The following RNF112 variants were observed in gnomAD, a reference collection of about 807,000 sequenced individuals.
RNF112 encodes the protein brain finger protein.
In RNF112, 34 loss-of-function variants were observed where a neutral mutation model predicts 64.7. The ratio of observed to expected loss-of-function variants is 0.53; its 90% CI spans 0.40 to 0.70. The LOEUF is 0.70. Ranked by LOEUF, RNF112 falls within the 30% of genes least tolerant of loss-of-function variation. The probability of loss-of-function intolerance (pLI) is 0.00; values close to 1 mark genes in which losing one functional copy is unlikely to be tolerated. For synonymous variants in RNF112, 345 were observed against 344.5 expected (o/e 1.00, Z -0.02); for missense variants, 734 against 850.0 (o/e 0.86, Z 1.70).
chr17:19,414,501 T>A lies in RNF112; in HGVS notation c.929T>A (p.Ile310Asn). ...VMGKHYGMVP[I>N]QHLDLLVRDS... ...GGCAAGCATTATGGGATGGTGCCAA[T>A]CCAGGTGAGACACCTATCTCTGGAT... is the stretch of plus-strand genomic sequence containing the variant. Residue 310 changes from isoleucine (I) to asparagine (N), a missense_variant, in exon 8 of 14, where the codon ATC (isoleucine) becomes AAC (asparagine). Ile to Asn is a moderately radical substitution (Grantham distance 149). Transcript: ENST00000461366. 6.2e-7 allele frequency: 1 copy of A among 1,613,954 alleles called. No individual in the cohort carries two copies. The highest frequency in any genetic ancestry group is 8.5e-7 in the Non-Finnish European group (1 of 1,179,870).
rs1488840189 is a variant in RNF112 at position 19,416,341 on chromosome 17, G to GGA, written c.*166_*167insGA. 1 of 654,018 alleles carries GGA rather than the reference G, an allele frequency of 1.5e-6. No homozygotes were observed. The highest frequency in any genetic ancestry group is 2.5e-6 in the Non-Finnish European group (1 of 401,088). 40.5% of individuals were successfully genotyped at this position (654,018 alleles called of 1,614,324 possible). On this transcript the variant is annotated 3_prime_UTR_variant, in exon 14 of 14. Coordinates refer to ENST00000461366, the MANE Select transcript of RNF112 (RefSeq NM_007148.5). ...GGCAGCTGAGCTGGGACTCAAGGTG[G>GGA]CTCTTGGAACCTGGGAGGCAGCATC...
chr17:19,411,721 G>A, intron 2 of RNF112, 51 bp downstream of exon 2: 1 of 1,545,596 alleles, frequency 6.5e-7, no homozygotes, highest in South Asian at 1.2e-5. Flanking sequence ...GGCCAGGCAG[G>A]TCAGTTGAAA....
chr17:19,414,042 G>A, intron 6 of RNF112, 53 bp from the exon 7 acceptor site: 2 of 1,529,318 alleles, frequency 1.3e-6, no homozygotes, highest in Non-Finnish European at 1.8e-6. Flanking sequence ...CTTCCCCAGT[G>A]AAGTCACCCG....
chr17:19,415,134 G>C lies in RNF112; in HGVS notation c.1223G>C (p.Trp408Ser), dbSNP rs370176105. ...GCTAAGAGCCGCTGCCAGGGGTACT[G>C]GAACGAGGGGCGCGCCGTGGCCAGG... ...QHAKSRCQGYWNEGRAVARGD... is the reference protein window; with the variant it reads ...QHAKSRCQGYSNEGRAVARGD... Residue 408 changes from tryptophan (W) to serine (S), a missense_variant, in exon 11 of 14, where the codon TGG (tryptophan) becomes TCG (serine). Trp to Ser is a radical substitution (Grantham distance 177). Transcript: ENST00000461366. The surrounding 1 kb of genome is among the most constrained non-coding windows in gnomAD (Gnocchi z 7.8). 3 of 1,609,686 alleles carry C rather than the reference G, an allele frequency of 1.9e-6. No individual in the cohort carries two copies. Among genetic ancestry groups the C allele is most frequent in the Non-Finnish European group, 2.5e-6 (3 of 1,178,994 alleles).
rs774649722 is a variant in RNF112, at chr17:19,412,581, G to A, written c.179G>A (p.Cys60Tyr). Reference sequence around the variant, plus strand: ...CGGGAGCTCCCTACCTGCTCCATCTGCCTGGAGAGGTTGCGCGACCCCATC... The same window carrying A: ...CGGGAGCTCCCTACCTGCTCCATCTACCTGGAGAGGTTGCGCGACCCCATC... The part of the protein sequence containing the change: ...APRELPTCSI[C>Y]LERLRDPISL... The change falls in exon 3 of 14, where the codon TGC (cysteine) becomes TAC (tyrosine). Residue 60 changes from cysteine (C) to tyrosine (Y), a missense_variant. Transcript: ENST00000461366. The surrounding 1 kb of genome is among the most constrained non-coding windows in gnomAD (Gnocchi z 5.1). 1 of 1,613,402 alleles carries A rather than the reference G, an allele frequency of 6.2e-7. No homozygotes were observed. Among genetic ancestry groups the A allele is most frequent in the Non-Finnish European group, 8.5e-7 (1 of 1,179,760 alleles).
chr17:19,414,650 A>G lies in RNF112; in HGVS notation c.998A>G (p.Asn333Ser), dbSNP rs1364360472. ...PNKAGQGHVG[N>S]IFQRLSGRYP... ...AAGGCAGGGCAGGGGCATGTAGGCA[A>G]CATCTTCCAGGTGAGTGGTGCAAGG... The change falls in exon 9 of 14, where the codon AAC becomes AGC. Residue 333 changes from asparagine to serine, a missense_variant. Coordinates refer to ENST00000461366, the MANE Select transcript of RNF112 (RefSeq NM_007148.5). 6.2e-7 allele frequency: 1 copy of G among 1,612,562 alleles called. No homozygotes were observed. The highest frequency in any genetic ancestry group is 8.5e-7 in the Non-Finnish European group (1 of 1,179,832).
At position 19,417,026 on chromosome 17, in the gene RNF112, A is replaced by G. The variant is rs139743397; in HGVS notation, c.*851A>G. 1.2e-4 allele frequency: 19 copies of G among 152,198 alleles called. 1 individual carries two copies. The highest frequency in any genetic ancestry group is 4.6e-4 in the African/African-American group (19 of 41,510). The allele number at this position is 152,198 out of a possible 1,614,324, so 9.4% of individuals were successfully genotyped here. ...TCAAAATCTTGCAAAGGAAAACAAA[A>G]TGAACAACTTCTACCCTTAAACACA... is the stretch of plus-strand genomic sequence containing the variant. On this transcript the variant is annotated 3_prime_UTR_variant, in exon 14 of 14. Coordinates refer to ENST00000461366, the MANE Select transcript of RNF112 (RefSeq NM_007148.5).
intron 1 of RNF112, 54 bp downstream of exon 1, chr17:19,411,516 T>C: frequency 8.5e-7 from 1 of 1,170,094 alleles, no homozygotes. Flanking sequence ...AGGGCCCTCC[T>C]TGGGCTGGGG....
At position 19,416,246 on chromosome 17, in the gene RNF112, G is replaced by T; in HGVS notation, c.*71G>T. ...TGAAGAAGAGGGGCAGGTCGGGGGA[G>T]GGTGATGCCAGGGATTCCAAGGCAC... On this transcript the variant is annotated 3_prime_UTR_variant, in exon 14 of 14. Coordinates refer to ENST00000461366, the MANE Select transcript of RNF112 (RefSeq NM_007148.5). 1 of 1,373,426 alleles carries T rather than the reference G, an allele frequency of 7.3e-7. No homozygotes were observed. The highest frequency in any genetic ancestry group is 1.4e-5 in the South Asian group (1 of 70,840). 85.1% of individuals were successfully genotyped at this position (1,373,426 alleles called of 1,614,324 possible). A position where few individuals can be genotyped will look rare whatever the true frequency, so the allele number is the denominator to read the frequency against.
At chr17:19,414,910 C>A (rs773610783) in intron 10 of RNF112, 23 bp downstream of exon 10, 10 of 1,609,992 alleles carry the variant, frequency 6.2e-6, no homozygotes, top group Admixed American at 1.7e-5. Context: ...GAGAGCTGAA[C>A]CTCTCTTGCG....
Position 19,413,484 on chromosome 17 carries a change from T to C in RNF112, c.720+73T>C. The C allele has an allele frequency of 1.3e-6, 2 of 1,568,400 alleles. No individual in the cohort carries two copies. The highest frequency in any genetic ancestry group is 1.1e-5 in the South Asian group (1 of 88,122). On this transcript the variant is annotated intron_variant, in intron 5 of 13. Coordinates refer to ENST00000461366, the MANE Select transcript of RNF112 (RefSeq NM_007148.5). The surrounding 1 kb of genome is among the most constrained non-coding windows in gnomAD (Gnocchi z 5.9). ...AAGAAGGGCGTCTCTGGGGTGAGGA[T>C]AGAAGATGGGGATGGGACGGGGCAG...
At position 19,415,111 on chromosome 17, in the gene RNF112, T is replaced by C; in HGVS notation, c.1200T>C (p.Ala400=). ...SDVLSAAPQH[A]KSRCQGYWNE... ...TGCTGAGTGCGGCCCCCCAGCACGC[T>C]AAGAGCCGCTGCCAGGGGTACTGGA... Residue 400 remains alanine (A), a synonymous_variant, in exon 11 of 14, where the codon GCT becomes GCC. Coordinates refer to ENST00000461366, the MANE Select transcript of RNF112 (RefSeq NM_007148.5). This position sits in a 1 kb window ranked among gnomAD's most constrained non-coding sequence, Gnocchi z 7.8. The C allele has an allele frequency of 6.2e-7, 1 of 1,607,290 alleles. No homozygotes were observed. The highest frequency in any genetic ancestry group is 1.3e-5 in the African/African-American group (1 of 74,474).
At position 19,414,230 on chromosome 17, in the gene RNF112, G is replaced by A. The variant is rs1179403957; in HGVS notation, c.876+85G>A. 15 of 1,324,814 alleles carry A rather than the reference G, an allele frequency of 1.1e-5. 1 individual carries two copies. The Admixed American group carries it at 2.5e-4, about 22-fold the overall frequency. The allele number at this position is 1,324,814 out of a possible 1,614,324, so 82.1% of individuals were successfully genotyped here. A position where few individuals can be genotyped will look rare whatever the true frequency, so the allele number is the denominator to read the frequency against. On this transcript the variant is annotated intron_variant, in intron 7 of 13. Transcript: ENST00000461366. Reference sequence around the variant, plus strand: ...CCCAAAGGAACTAGGTGCCCTCCTGGTCTGGCCTAGGGTTTTATGACACTT... The same window carrying A: ...CCCAAAGGAACTAGGTGCCCTCCTGATCTGGCCTAGGGTTTTATGACACTT...
At position 19,412,556 on chromosome 17, in the gene RNF112, C is replaced by T. The variant is rs745855976; in HGVS notation, c.154C>T (p.Arg52Trp). ...CCTGGGGCCCCAGCCCATGGCGCCC[C>T]GGGAGCTCCCTACCTGCTCCATCTG... ...LGLGPQPMAP[R>W]ELPTCSICLE... Residue 52 changes from arginine to tryptophan, a missense_variant, in exon 3 of 14, where the codon CGG (arginine) becomes TGG (tryptophan). Arg to Trp is a moderately radical substitution (Grantham distance 101, BLOSUM62 -3). Coordinates refer to ENST00000461366, the MANE Select transcript of RNF112 (RefSeq NM_007148.5). The surrounding 1 kb of genome is among the most constrained non-coding windows in gnomAD (Gnocchi z 5.1). 2.2e-5 allele frequency: 36 copies of T among 1,613,332 alleles called. No homozygotes were observed. Among genetic ancestry groups the T allele is most frequent in the East Asian group, 1.1e-4 (5 of 44,864 alleles).
In RNF112 at chr17:19,414,666, T is replaced by G; in HGVS notation, c.1008+6T>G. On this transcript the variant is annotated splice_donor_region_variant and intron_variant, in intron 9 of 13. Transcript: ENST00000461366. ...ATGTAGGCAACATCTTCCAGGTGAG[T>G]GGTGCAAGGGGATGGGGTGGAGGGG... The G allele has an allele frequency of 6.2e-7, 1 of 1,610,768 alleles. No individual in the cohort carries two copies. The highest frequency in any genetic ancestry group is 2.2e-5 in the East Asian group (1 of 44,854).
chr17:19,411,798 G>A (rs1164065887), intron 2 of RNF112, 128 bp downstream of exon 2: 9 of 998,098 alleles, frequency 9.0e-6, no homozygotes, highest in East Asian at 7.8e-5. Flanking sequence ...GGCTGGATCC[G>A]CCAGGCTGTG....
Position 19,415,161 on chromosome 17 carries a change from G to A in RNF112, c.1250G>A (p.Gly417Glu). Residue 417 changes from glycine to glutamate, a missense_variant, in exon 11 of 14, where the codon GGG (glycine) becomes GAG (glutamate). Physicochemically the swap from Gly to Glu is moderately conservative, Grantham distance 98. Coordinates refer to ENST00000461366, the MANE Select transcript of RNF112 (RefSeq NM_007148.5). The surrounding 1 kb of genome is among the most constrained non-coding windows in gnomAD (Gnocchi z 7.8). ...YWNEGRAVAR[G>E]DRRLLTGQQL... ...AACGAGGGGCGCGCCGTGGCCAGGGGGGACAGACGCCTACTCACGGGGCAG... is the reference window on the plus strand; with the variant it reads ...AACGAGGGGCGCGCCGTGGCCAGGGAGGACAGACGCCTACTCACGGGGCAG... The A allele has an allele frequency of 6.2e-7, 1 of 1,608,916 alleles. No individual in the cohort carries two copies. The highest frequency in any genetic ancestry group is 8.5e-7 in the Non-Finnish European group (1 of 1,178,774).
At position 19,413,120 on chromosome 17, in the gene RNF112, T is replaced by C. The variant is rs1489113335; in HGVS notation, c.564T>C (p.His188=). ...CAGGGAAGTCCTTCCTCCTCAACCA[T>C]TTGCTTCAGGGCTTGCCGGGCCTGG... ...QHSGKSFLLN[H]LLQGLPGLES... The change falls in exon 4 of 14, where the codon CAT becomes CAC. Residue 188 remains histidine (H), a synonymous_variant. Coordinates refer to ENST00000461366, the MANE Select transcript of RNF112 (RefSeq NM_007148.5). The surrounding 1 kb of genome is among the most constrained non-coding windows in gnomAD (Gnocchi z 5.9). 1 of 1,612,944 alleles carries C rather than the reference T, an allele frequency of 6.2e-7. No individual in the cohort carries two copies. Among genetic ancestry groups the C allele is most frequent in the Non-Finnish European group, 8.5e-7 (1 of 1,179,748 alleles).
Position 19,416,123 on chromosome 17 carries a change from A to C in RNF112, c.1844A>C (p.Glu615Ala). The C allele has an allele frequency of 6.3e-7, 1 of 1,580,766 alleles. No individual in the cohort carries two copies. The highest frequency in any genetic ancestry group is 8.6e-7 in the Non-Finnish European group (1 of 1,164,088). ...ACAGTGGGCTGCATGGAGAAGGAGG[A>C]GGATGAGAGGCTTCTGGAAGGGGAC... ...AATVGCMEKEEDERLLEGDRE... is the reference protein window; with the variant it reads ...AATVGCMEKEADERLLEGDRE... The change falls in exon 14 of 14, where the codon GAG becomes GCG. Residue 615 changes from glutamate to alanine, a missense_variant. Transcript: ENST00000461366.
Sources: allele counts gnomAD v4.1 joint callset, GRCh38; gene constraint gnomAD v4.1.1; non-coding constraint Gnocchi (gnomAD v3.1); transcripts MANE v1.5; gene names NCBI Gene and HGNC (gene_info 2026-07-23, HGNC 2026-07-21).